Variants in CNTNAP2 observed in about 807,000 individuals in gnomAD.
CNTNAP2 encodes the protein contactin associated protein 2, also known as contactin-associated protein-like 2.
Under a neutral mutation model 155.2 loss-of-function variants are expected in CNTNAP2, and 98 were observed. The ratio of observed to expected loss-of-function variants is 0.63; its 90% CI spans 0.54 to 0.75. The LOEUF is 0.75. CNTNAP2 is among the 30% of genes least tolerant of loss of function. The probability of loss-of-function intolerance (pLI) is 0.00; values close to 1 mark genes in which losing one functional copy is unlikely to be tolerated. For missense variants in CNTNAP2, 1,727 were observed against 1,688.1 expected (o/e 1.02, Z -0.40); for synonymous variants, 651 against 631.2 (o/e 1.03, Z -0.47).
chr7:147,181,199 G>T (rs1802449541), intron 8 of CNTNAP2, among the ~76,000 whole-genome samples: 1 of 152,058 alleles, frequency 6.6e-6, no homozygotes, highest in African/African-American at 2.4e-5. Context: ...TGAGCTGGGG[G>T]GACAGCAGGT....
intron 14 of CNTNAP2, among the ~76,000 whole-genome samples, chr7:147,918,443 G>A (rs866989509): frequency 6.6e-6 from 1 of 152,198 alleles, no homozygotes. Context: ...ATTCAATAGT[G>A]AGGTAAATCA....
intron 1 of CNTNAP2, among the ~76,000 whole-genome samples, chr7:146,256,587 C>T (rs1050939123): frequency 6.6e-6 from 1 of 150,382 alleles, no homozygotes. Context: ...ATACAGAACC[C>T]ATCAAAATCA....
At chr7:147,568,848 T>A (rs865822489) in intron 12 of CNTNAP2, among the ~76,000 whole-genome samples, 2 of 152,204 alleles carry the variant, frequency 1.3e-5, no homozygotes, top group African/African-American at 2.4e-5. Context: ...TAGTAAATAA[T>A]GCTCGATCCA....
rs540176055 is a variant in CNTNAP2 at position 147,533,162 on chromosome 7, G to C, written c.1778-28976G>C. ...TATAGCTGGAATTCAGTTTCTGTTT[G>C]GGGATGTTGTTTTGTTTTATTTTGA... On this transcript the variant is annotated intron_variant, in intron 11 of 23. Transcript: ENST00000361727. 5.9e-5 allele frequency among the ~76,000 whole-genome samples: 9 copies of C among 152,230 alleles called. No individual in the cohort carries two copies. The South Asian group carries it at 1.7e-3, about 28-fold the overall frequency.
intron 1 of CNTNAP2, among the ~76,000 whole-genome samples, chr7:146,470,164 C>T (rs1178744049): frequency 1.3e-5 from 2 of 152,152 alleles, no homozygotes; most frequent in East Asian, 1.9e-4. Context: ...ACTAATCACT[C>T]CTCTGTTTTT....
chr7:148,006,316 C>CTTCT (rs1801978219), intron 15 of CNTNAP2, among the ~76,000 whole-genome samples: 1 of 118,990 alleles, frequency 8.4e-6, no homozygotes, highest in African/African-American at 3.3e-5. Context: ...ATAGGAAGTT[C>CTTCT]TTTTTTTTTT....
At position 146,933,144 on chromosome 7, in the gene CNTNAP2, A is replaced by C. The variant is rs541803597; in HGVS notation, c.402+93240A>C. On this transcript the variant is annotated intron_variant, in intron 3 of 23. Transcript: ENST00000361727. ...CGCATCGCCAAGTCAATCCTAAGCC[A>C]AAAGAACAAAGCTGGAGGCATCACG... Among the ~76,000 whole-genome samples the C allele has an allele frequency of 5.3e-5, 8 of 152,076 alleles. No homozygotes were observed. The East Asian group carries it at 1.5e-3, about 29-fold the overall frequency.
intron 21 of CNTNAP2, among the ~76,000 whole-genome samples, chr7:148,347,696 T>C (rs1798350900): frequency 6.6e-6 from 1 of 152,182 alleles, no homozygotes. Flanking sequence ...CCATTCTATG[T>C]AGTGAATCGG....
At chr7:146,851,650 CTGTGTGTGTG>C (rs71165041) in intron 3 of CNTNAP2, among the ~76,000 whole-genome samples, 3,389 of 133,064 alleles carry the variant, frequency 0.025, 123 homozygotes, top group African/African-American at 0.076. Context: ...CATCTTTCTT[CTGTGTGTGTG>C]TGTGTGTGTG....
chr7:147,182,297 C>T (rs1802477429), intron 8 of CNTNAP2, among the ~76,000 whole-genome samples: 1 of 151,956 alleles, frequency 6.6e-6, no homozygotes, highest in Admixed American at 6.6e-5. Flanking sequence ...ATATTAACCT[C>T]CTCTTTTTTA....
intron 8 of CNTNAP2, among the ~76,000 whole-genome samples, chr7:147,226,711 T>C (rs1199043239): frequency 6.6e-6 from 1 of 152,194 alleles, no homozygotes; most frequent in Non-Finnish European, 1.5e-5. Flanking sequence ...ATTGCCTCTT[T>C]TGGAGATTTT....
chr7:147,732,084 G>A (rs10237274), intron 13 of CNTNAP2, among the ~76,000 whole-genome samples: 50,041 of 151,486 alleles, frequency 0.33, 9,841 homozygotes, highest in African/African-American at 0.56. Flanking sequence ...CATGTGCACA[G>A]TGAGCAGGTT....
At chr7:148,394,489 T>C (rs996723042) in intron 22 of CNTNAP2, among the ~76,000 whole-genome samples, 1 of 152,238 alleles carries the variant, frequency 6.6e-6, no homozygotes, top group Non-Finnish European at 1.5e-5. Context: ...CTGTTCATCC[T>C]TGCACATTTG....
chr7:146,373,132 G>A (rs1002104666), intron 1 of CNTNAP2, among the ~76,000 whole-genome samples: 2 of 152,112 alleles, frequency 1.3e-5, no homozygotes, highest in African/African-American at 2.4e-5. Context: ...ATCCTTCTCA[G>A]GGCAAATAGA....
Position 148,273,078 on chromosome 7 carries a change from T to C in CNTNAP2, c.3475+5952T>C, listed in dbSNP as rs554913775. Among the ~76,000 whole-genome samples the C allele has an allele frequency of 2.6e-5, 4 of 152,330 alleles. No individual in the cohort carries two copies. In the South Asian group the frequency reaches 8.3e-4, roughly 32 times the overall value. ...AAGAACTTCCTAACAATTAGAGCTT[T>C]TCAAAAGTGAGTGGTCTCTACTTTG... On this transcript the variant is annotated intron_variant, in intron 21 of 23. Transcript: ENST00000361727.
chr7:146,944,597 G>A (rs902936784), intron 3 of CNTNAP2, among the ~76,000 whole-genome samples: 1 of 152,126 alleles, frequency 6.6e-6, no homozygotes, highest in African/African-American at 2.4e-5. Context: ...TCTTAAGGCT[G>A]CCCAGGCGCG....
chr7:146,326,693 A>T (rs1293769786), intron 1 of CNTNAP2, among the ~76,000 whole-genome samples: 1 of 152,222 alleles, frequency 6.6e-6, no homozygotes, highest in Non-Finnish European at 1.5e-5. Context: ...ATCTCCGTGG[A>T]TGAAAAGAGT....
chr7:146,360,726 G>A (rs1298136963), intron 1 of CNTNAP2, among the ~76,000 whole-genome samples: 1 of 152,124 alleles, frequency 6.6e-6, no homozygotes, highest in Non-Finnish European at 1.5e-5. Flanking sequence ...ACTGTATTCT[G>A]GGGCTTAAAT....
chr7:146,133,199 C>A (rs1797743823), intron 1 of CNTNAP2, among the ~76,000 whole-genome samples: 1 of 152,136 alleles, frequency 6.6e-6, no homozygotes, highest in Admixed American at 6.5e-5. Context: ...TTTTTGTTTG[C>A]ATAAATGTCT....
Sources: gnomAD v4.1 joint callset for allele counts (sites outside exome capture counted in the v4.1 genomes callset) on GRCh38, gnomAD v4.1.1 for gene constraint, MANE v1.5 for transcripts, NCBI Gene and HGNC (gene_info 2026-07-23, HGNC 2026-07-21) for gene names.